Variants in RORA observed in about 807,000 individuals in gnomAD.
The protein encoded by RORA is nuclear receptor ROR-alpha.
RORA carries 7 observed loss-of-function variants against 69.5 expected under a neutral mutation model. The observed-to-expected ratio is 0.10, with a 90% CI of 0.06 to 0.19. RORA has a LOEUF of 0.19. Among genes scored for constraint, RORA ranks in the 10% least tolerant of loss-of-function variants. The pLI is 1.00. For missense variants in RORA, 457 were observed against 663.0 expected, an observed-to-expected ratio of 0.69 and a Z score of 3.41; for synonymous variants, 261 against 240.8, an observed-to-expected ratio of 1.08 and a Z score of -0.78.
At chr15:61,059,769 C>T (rs1202122845) in intron 1 of RORA, among the ~76,000 whole-genome samples, 1 of 151,898 alleles carries the variant, frequency 6.6e-6, no homozygotes, top group Non-Finnish European at 1.5e-5. Context: ...AGAAAAATGA[C>T]AGTGAATTCA....
chr15:61,175,167 C>T (rs1432666081), intron 1 of RORA, among the ~76,000 whole-genome samples: 3 of 152,156 alleles, frequency 2.0e-5, no homozygotes, highest in African/African-American at 7.2e-5. Flanking sequence ...CTGTCTAGAG[C>T]ACAGGGATCA....
chr15:60,938,581 T>C (rs1892597286), intron 1 of RORA, among the ~76,000 whole-genome samples: 1 of 152,184 alleles, frequency 6.6e-6, no homozygotes, highest in Non-Finnish European at 1.5e-5. Flanking sequence ...CTACTCACTC[T>C]ACACCCTGGA....
intron 1 of RORA, among the ~76,000 whole-genome samples, chr15:60,783,399 G>T (rs1006939884): frequency 6.6e-6 from 1 of 152,076 alleles, no homozygotes; most frequent in African/African-American, 2.4e-5. Context: ...TGTATTTATT[G>T]TGTGCTACAC....
intron 1 of RORA, among the ~76,000 whole-genome samples, chr15:61,060,940 G>T (rs900697129): frequency 2.6e-5 from 4 of 152,198 alleles, no homozygotes; most frequent in Admixed American, 2.6e-4. Context: ...CGGCCGATGG[G>T]CCATGGGTTG....
chr15:60,554,782 A>G (rs2067313338), intron 2 of RORA, among the ~76,000 whole-genome samples: 1 of 152,158 alleles, frequency 6.6e-6, no homozygotes, highest in Non-Finnish European at 1.5e-5. Context: ...TGTTTGGAAA[A>G]GAAGGACTGC....
At chr15:61,228,993 C>A in intron 1 of RORA, 60 bp downstream of exon 1, 2 of 1,005,760 alleles carry the variant, frequency 2.0e-6, no homozygotes, top group East Asian at 1.2e-4. Context: ...CTCCCGGCCG[C>A]CCCCCGCTCC....
intron 1 of RORA, among the ~76,000 whole-genome samples, chr15:60,780,298 C>T (rs954843461): frequency 9.2e-5 from 14 of 152,208 alleles, no homozygotes; most frequent in African/African-American, 2.9e-4. Flanking sequence ...AGGGCCTATG[C>T]GGGAGTATTT....
intron 1 of RORA, among the ~76,000 whole-genome samples, chr15:60,827,081 T>C (rs2072973850): frequency 6.6e-6 from 1 of 152,174 alleles, no homozygotes; most frequent in Non-Finnish European, 1.5e-5. Flanking sequence ...GTACTGGGTA[T>C]CAGATTCAAA....
chr15:61,092,591 G>C (rs2078724213), intron 1 of RORA, among the ~76,000 whole-genome samples: 1 of 152,202 alleles, frequency 6.6e-6, no homozygotes, highest in South Asian at 2.1e-4. Flanking sequence ...CAAAAGAAAT[G>C]TAAAAATATG....
intron 5 of RORA, among the ~76,000 whole-genome samples, chr15:60,506,851 G>C (rs2141292881): frequency 6.6e-6 from 1 of 152,276 alleles, no homozygotes; most frequent in East Asian, 1.9e-4. Context: ...GCTGGGCGTG[G>C]TGGCGGGTGC....
At chr15:60,934,317 C>T (rs946109734) in intron 1 of RORA, among the ~76,000 whole-genome samples, 12 of 152,218 alleles carry the variant, frequency 7.9e-5, no homozygotes, top group African/African-American at 2.2e-4. Flanking sequence ...TTTCCACTTT[C>T]CTTCAAGAGA....
Position 61,061,241 on chromosome 15 carries a change from T to G in RORA, c.166+167812A>C, listed in dbSNP as rs1227591201. On this transcript the variant is annotated intron_variant, in intron 1 of 10. Transcript: ENST00000335670. The surrounding 1 kb of genome is among the most constrained non-coding windows in gnomAD (Gnocchi z 4.4). ...GGTGGCGGGCGCCTGTGGTCCCAGCTACTCGGGAGGCTGAGGCAGGAGAAT... is the reference window on the plus strand; with the variant it reads ...GGTGGCGGGCGCCTGTGGTCCCAGCGACTCGGGAGGCTGAGGCAGGAGAAT... Among the ~76,000 whole-genome samples, 3 of 151,906 alleles carry G rather than the reference T, an allele frequency of 2.0e-5. No individual in the cohort carries two copies. Among genetic ancestry groups the G allele is most frequent in the Non-Finnish European group, 4.4e-5 (3 of 67,938 alleles).
intron 1 of RORA, among the ~76,000 whole-genome samples, chr15:60,991,951 A>AAAT: frequency 6.9e-6 from 1 of 144,872 alleles, no homozygotes; most frequent in African/African-American, 2.6e-5. Flanking sequence ...TAAAATGGTA[A>AAAT]AAAGTTAGAA....
chr15:60,988,937 C>T (rs1894290467), intron 1 of RORA, among the ~76,000 whole-genome samples: 1 of 152,056 alleles, frequency 6.6e-6, no homozygotes, highest in Non-Finnish European at 1.5e-5. Context: ...GGTTGTGGGG[C>T]GGGCACAGTG....
chr15:61,104,679 T>C (rs2078927357), intron 1 of RORA, among the ~76,000 whole-genome samples: 2 of 152,154 alleles, frequency 1.3e-5, no homozygotes, highest in Non-Finnish European at 2.9e-5. Context: ...CTTATGGAAT[T>C]CTTCAAAAAA....
chr15:60,500,669 A>AAGACAG (rs2065303278), intron 9 of RORA, among the ~76,000 whole-genome samples: 1 of 152,220 alleles, frequency 6.6e-6, no homozygotes, highest in Non-Finnish European at 1.5e-5. Flanking sequence ...ATTCCACCAC[A>AAGACAG]GCATTTCTCT....
chr15:61,107,733 G>A (rs1282926942), intron 1 of RORA, among the ~76,000 whole-genome samples: 1 of 151,784 alleles, frequency 6.6e-6, no homozygotes, highest in Non-Finnish European at 1.5e-5. Flanking sequence ...TTCATTTCTT[G>A]AAAGACATTA....
At chr15:61,197,184 C>T (rs1054810309) in intron 1 of RORA, among the ~76,000 whole-genome samples, 2 of 152,182 alleles carry the variant, frequency 1.3e-5, no homozygotes, top group Non-Finnish European at 2.9e-5. Context: ...CATGGTTGTT[C>T]AATTACAAAG....
In RORA at chr15:60,488,858, A is replaced by G. The variant is rs1595847606; in HGVS notation, c.*8597T>C. The G allele has an allele frequency of 6.6e-6, 1 of 152,374 alleles. No individual in the cohort carries two copies. Among genetic ancestry groups the G allele is most frequent in the East Asian group, 1.9e-4 (1 of 5,190 alleles). 9.4% of individuals were successfully genotyped at this position (152,374 alleles called of 1,614,324 possible). On this transcript the variant is annotated 3_prime_UTR_variant, in exon 11 of 11. Transcript: ENST00000335670. Reference sequence around the variant, plus strand: ...GCTTAATCCTCAAGACCTACACACAATTAGAATCAGCATTTCATGTGGTCT... The same window carrying G: ...GCTTAATCCTCAAGACCTACACACAGTTAGAATCAGCATTTCATGTGGTCT...
Sources: allele counts gnomAD v4.1 joint callset (sites outside exome capture counted in the v4.1 genomes callset), GRCh38; gene constraint gnomAD v4.1.1; non-coding constraint Gnocchi (gnomAD v3.1); transcripts MANE v1.5; gene names NCBI Gene and HGNC (gene_info 2026-07-23, HGNC 2026-07-21).